Variants in TRPA1 observed in about 807,000 individuals in gnomAD.
TRPA1 encodes the protein transient receptor potential cation channel subfamily A member 1.
TRPA1 carries 129 observed loss-of-function variants against 131.3 expected under a neutral mutation model. The observed-to-expected ratio is 0.98, with a 90% CI of 0.85 to 1.14. The LOEUF is 1.14. Among genes scored for constraint, TRPA1 ranks in the 50% most tolerant of loss-of-function variants. TRPA1 has a pLI of 0.00. For missense variants in TRPA1, 1,304 were observed against 1,354.2 expected (o/e 0.96, Z 0.58); for synonymous variants, 441 against 451.7 (o/e 0.98, Z 0.30).
At position 72,050,867 on chromosome 8, in the gene TRPA1, C is replaced by A. The variant is rs1352827754; in HGVS notation, c.1816G>T (p.Asp606Tyr). ...TGACTGAAAATCTTAAGACATTCAT[C>A]CCATCTGTAAAAAATAAATAAGTAA... ...VLTIIRSKRW[D>Y]ECLKIFSHNS... is the part of the protein sequence containing the mutation. The change falls in exon 15 of 27, where the codon GAT (aspartate) becomes TAT (tyrosine). Residue 606 changes from aspartate (D) to tyrosine (Y), a missense_variant. Asp to Tyr is a radical substitution (Grantham distance 160, BLOSUM62 -3). Coordinates refer to ENST00000262209, the MANE Select transcript of TRPA1 (RefSeq NM_007332.3). The A allele has an allele frequency of 6.2e-7, 1 of 1,602,338 alleles. No homozygotes were observed. Among genetic ancestry groups the A allele is most frequent in the Non-Finnish European group, 8.5e-7 (1 of 1,171,210 alleles).
the TRPA1 span, among the ~76,000 whole-genome samples, chr8:72,089,889 C>T: frequency 3.3e-5 from 5 of 152,060 alleles, no homozygotes; most frequent in Non-Finnish European, 7.4e-5. Context: ...TTGTGAAATA[C>T]ATGCCTTATC....
At chr8:72,053,451 C>T (rs1160985039) in intron 13 of TRPA1, 5 of 419,852 alleles carry the variant, frequency 1.2e-5, no homozygotes, top group Non-Finnish European at 2.2e-5. Flanking sequence ...AAACTCACCC[C>T]TGCCTTCATT....
the TRPA1 span, among the ~76,000 whole-genome samples, chr8:72,084,382 C>G: frequency 4.8e-4 from 70 of 145,462 alleles, no homozygotes; most frequent in Admixed American, 2.3e-3. Flanking sequence ...TTCCCACTGT[C>G]TTGCTTCTGA....
At chr8:72,030,778 G>A (rs988470709) in intron 23 of TRPA1, among the ~76,000 whole-genome samples, 4 of 151,642 alleles carry the variant, frequency 2.6e-5, no homozygotes, top group Admixed American at 2.6e-4. Flanking sequence ...TCTTACATAT[G>A]TTCAGAAGGA....
chr8:72,088,747 C>A, the TRPA1 span, among the ~76,000 whole-genome samples: 2 of 152,118 alleles, frequency 1.3e-5, no homozygotes, highest in Admixed American at 6.6e-5. Flanking sequence ...CTATGAAATG[C>A]TGTTTTCTAC....
At chr8:72,056,597 G>A (rs186974529) in intron 10 of TRPA1, among the ~76,000 whole-genome samples, 1 of 152,106 alleles carries the variant, frequency 6.6e-6, no homozygotes, top group African/African-American at 2.4e-5. Context: ...CTTTTCCACT[G>A]ATATGCAAAT....
At chr8:72,029,306 T>A (rs1306323391) in intron 24 of TRPA1, among the ~76,000 whole-genome samples, 1 of 152,176 alleles carries the variant, frequency 6.6e-6, no homozygotes, top group Non-Finnish European at 1.5e-5. Context: ...ATCAAGCAGC[T>A]AGCTACCTGG....
At chr8:72,055,328 C>T (rs1805634681) in intron 12 of TRPA1, 108 bp downstream of exon 12, 1 of 895,836 alleles carries the variant, frequency 1.1e-6, no homozygotes, top group African/African-American at 1.7e-5. Context: ...GATAAAAGTA[C>T]TTAGTGAGAT....
intron 15 of TRPA1, 53 bp downstream of exon 15, chr8:72,050,722 TACA>T (rs1805481152): frequency 2.6e-6 from 3 of 1,151,160 alleles, no homozygotes; most frequent in Non-Finnish European, 3.9e-6. Flanking sequence ...AGGTTGTGAT[TACA>T]ACAACATATG....
rs900400140 is a variant in TRPA1, at chr8:72,047,071, T to G, written c.1965+77A>C. 23 of 1,102,128 alleles carry G rather than the reference T, an allele frequency of 2.1e-5. No homozygotes were observed. In the Admixed American group the frequency reaches 4.1e-4, roughly 20 times the overall value. The allele number at this position is 1,102,128 out of a possible 1,614,324, so 68.3% of individuals were successfully genotyped here. A position where few individuals can be genotyped will look rare whatever the true frequency, so the allele number is the denominator to read the frequency against. ...CCATCTGCAGTAGATTACAGATCAA[T>G]AGTAACAATATTTTTAATATTTTTC... is the stretch of plus-strand genomic sequence containing the variant. On this transcript the variant is annotated intron_variant, in intron 16 of 26. Transcript: ENST00000262209.
chr8:72,022,800 GC>G lies in TRPA1; in HGVS notation c.*105del, dbSNP rs1811443038. ...GCATGCAGGAACCATGATTTCACAC[GC>G]AGCAAAATGAATCATTCTGCTTCTT... On this transcript the variant is annotated 3_prime_UTR_variant, in exon 27 of 27. Coordinates refer to ENST00000262209, the MANE Select transcript of TRPA1 (RefSeq NM_007332.3). 9.7e-7 allele frequency: 1 copy of G among 1,033,846 alleles called. No individual in the cohort carries two copies. The highest frequency in any genetic ancestry group is 1.3e-5 in the South Asian group (1 of 75,790). 64.0% of individuals were successfully genotyped at this position (1,033,846 alleles called of 1,614,324 possible).
chr8:72,054,592 T>C (rs1366891724), intron 12 of TRPA1: 1 of 152,452 alleles, frequency 6.6e-6, no homozygotes, highest in Non-Finnish European at 1.5e-5. Flanking sequence ...ATTTCAGTTA[T>C]GATGTAATTA....
intron 23 of TRPA1, among the ~76,000 whole-genome samples, chr8:72,031,974 TC>T (rs1054505553): frequency 1.1e-4 from 17 of 152,182 alleles, no homozygotes; most frequent in African/African-American, 4.1e-4. Context: ...AAATGATACT[TC>T]AGCTGAGTTT....
At chr8:72,084,787 G>T in the TRPA1 span, among the ~76,000 whole-genome samples, 1 of 151,396 alleles carries the variant, frequency 6.6e-6, no homozygotes, top group Non-Finnish European at 1.5e-5. Flanking sequence ...GAGTAACTGG[G>T]ATTACAGGTG....
intron 7 of TRPA1, among the ~76,000 whole-genome samples, chr8:72,060,949 TGTGTGTGTGCAC>T (rs1805794750): frequency 6.6e-6 from 1 of 151,808 alleles, no homozygotes; most frequent in Non-Finnish European, 1.5e-5. Flanking sequence ...TGTGTGCTTG[TGTGTGTGTGCAC>T]GTGTGTGTGG....
At chr8:72,039,645 C>T (rs553819097) in intron 18 of TRPA1, 82 bp downstream of exon 18, 10 of 934,628 alleles carry the variant, frequency 1.1e-5, no homozygotes, top group Non-Finnish European at 1.6e-5. Flanking sequence ...ATTAAAATAC[C>T]ATTACAATAT....
intron 17 of TRPA1, among the ~76,000 whole-genome samples, chr8:72,040,710 C>G (rs1477569567): frequency 6.6e-6 from 1 of 152,072 alleles, no homozygotes; most frequent in Admixed American, 6.6e-5. Context: ...ATCACTGGGT[C>G]TTAGTCTAGC....
At chr8:72,068,274 T>C (rs908864297) in intron 3 of TRPA1, among the ~76,000 whole-genome samples, 2 of 152,230 alleles carry the variant, frequency 1.3e-5, no homozygotes, top group African/African-American at 2.4e-5. Context: ...TTCTGGAACA[T>C]GCTCCATTTG....
chr8:72,081,621 G>T, the TRPA1 span, among the ~76,000 whole-genome samples: 4 of 151,862 alleles, frequency 2.6e-5, no homozygotes, highest in African/African-American at 9.6e-5. Context: ...TTGTTAAATT[G>T]TCTATTTCTT....
Sources: gnomAD v4.1 joint callset for allele counts (sites outside exome capture counted in the v4.1 genomes callset) on GRCh38, gnomAD v4.1.1 for gene constraint, MANE v1.5 for transcripts, NCBI Gene and HGNC (gene_info 2026-07-23, HGNC 2026-07-21) for gene names.